SLC9A9: variants seen among roughly 807,000 people sequenced by gnomAD.
SLC9A9 encodes the protein solute carrier family 9 member A9.
SLC9A9 carries 62 observed loss-of-function variants against 77.8 expected under a neutral mutation model. That is an observed-to-expected ratio of 0.80 (90% confidence interval 0.65 to 0.98). The LOEUF is 0.98. SLC9A9 is among the 50% of genes least tolerant of loss of function. The pLI, the probability that SLC9A9 is intolerant of heterozygous loss-of-function variation, is 0.00. For synonymous variants in SLC9A9, 320 were observed against 283.5 expected (o/e 1.13, Z -1.29); for missense variants, 775 against 774.9 (o/e 1.00, Z 0.00).
intron 11 of SLC9A9, among the ~76,000 whole-genome samples, chr3:143,482,546 C>A (rs1463217005): frequency 6.6e-6 from 1 of 152,208 alleles, no homozygotes; most frequent in African/African-American, 2.4e-5. Flanking sequence ...CTTTCCTAAA[C>A]TCCCTCCTTG....
At chr3:143,455,301 C>A (rs2035071496) in intron 12 of SLC9A9, among the ~76,000 whole-genome samples, 1 of 152,148 alleles carries the variant, frequency 6.6e-6, no homozygotes, top group African/African-American at 2.4e-5. Context: ...GTCAATATCA[C>A]ATTTTTTGGT....
intron 6 of SLC9A9, among the ~76,000 whole-genome samples, chr3:143,640,667 C>T (rs978592713): frequency 3.9e-5 from 6 of 152,196 alleles, no homozygotes; most frequent in African/African-American, 1.4e-4. Context: ...TCCAGACCAG[C>T]CTAAGCAACA....
chr3:143,831,564 G>A (rs1323447291), intron 2 of SLC9A9, among the ~76,000 whole-genome samples: 1 of 152,120 alleles, frequency 6.6e-6, no homozygotes, highest in African/African-American at 2.4e-5. Flanking sequence ...GTAGCCAAAA[G>A]CCAGTCATCC....
In SLC9A9 at chr3:143,379,037, A is replaced by AAT. The variant is rs201767123; in HGVS notation, c.1524+3021_1524+3022dup. 8.2e-3 allele frequency among the ~76,000 whole-genome samples: 1,240 copies of AAT among 150,488 alleles called. 8 individuals carry two copies. The highest frequency in any genetic ancestry group is 0.023 in the African/African-American group (959 of 41,208). On this transcript the variant is annotated intron_variant, in intron 13 of 15. Coordinates refer to ENST00000316549, the MANE Select transcript of SLC9A9 (RefSeq NM_173653.4). The stretch of plus-strand genomic sequence containing the variant: ...AAACATATTAATATATATAATTTTA[A>AAT]ATATATATATATAGTTTATTCTTGA...
intron 8 of SLC9A9, among the ~76,000 whole-genome samples, chr3:143,569,147 CA>C: frequency 6.6e-6 from 1 of 151,716 alleles, no homozygotes; most frequent in South Asian, 2.1e-4. Flanking sequence ...ATTATAATTC[CA>C]AAATTATTTT....
chr3:143,632,990 G>A lies in SLC9A9; in HGVS notation c.755+19265C>T, dbSNP rs190647377. ...TTCAGTCAATTGTCCTGGCATCAGA[G>A]ACACATGCATTCCTAGAGTTTTACT... On this transcript the variant is annotated intron_variant, in intron 6 of 15. Coordinates refer to ENST00000316549, the MANE Select transcript of SLC9A9 (RefSeq NM_173653.4). 9.9e-4 allele frequency among the ~76,000 whole-genome samples: 151 copies of A among 152,322 alleles called. 1 individual carries two copies. The highest frequency in any genetic ancestry group is 3.4e-3 in the Middle Eastern group (1 of 294).
At chr3:143,282,216 T>C (rs1578259650) in intron 14 of SLC9A9, among the ~76,000 whole-genome samples, 3 of 152,274 alleles carry the variant, frequency 2.0e-5, no homozygotes, top group Admixed American at 1.3e-4. Flanking sequence ...CTTACCTTTA[T>C]TCATGGTGGG....
intron 14 of SLC9A9, among the ~76,000 whole-genome samples, chr3:143,282,082 C>G (rs1938237334): frequency 6.6e-6 from 1 of 152,188 alleles, no homozygotes; most frequent in African/African-American, 2.4e-5. Context: ...GCTCTACTGT[C>G]ATTGCCTGTG....
chr3:143,357,722 T>C (rs966280285), intron 14 of SLC9A9, among the ~76,000 whole-genome samples: 9 of 152,268 alleles, frequency 5.9e-5, no homozygotes, highest in Admixed American at 2.6e-4. Context: ...GATGTGCCTT[T>C]TTCCTCTCTT....
intron 6 of SLC9A9, among the ~76,000 whole-genome samples, chr3:143,624,040 A>G (rs1163967967): frequency 6.6e-6 from 1 of 152,236 alleles, no homozygotes; most frequent in Non-Finnish European, 1.5e-5. Flanking sequence ...TCCTGGACAC[A>G]TACACCCTCC....
intron 6 of SLC9A9, among the ~76,000 whole-genome samples, chr3:143,610,709 T>C (rs929696930): frequency 6.6e-6 from 1 of 152,136 alleles, no homozygotes; most frequent in Admixed American, 6.6e-5. Context: ...CAGACCCCTT[T>C]CCACACAGGG....
intron 12 of SLC9A9, among the ~76,000 whole-genome samples, chr3:143,413,409 T>C (rs111324010): frequency 6.6e-5 from 10 of 152,178 alleles, no homozygotes; most frequent in African/African-American, 2.2e-4. Context: ...CAAAGGTGGC[T>C]CATTATACTA....
chr3:143,464,549 T>G (rs1364693195), intron 12 of SLC9A9, among the ~76,000 whole-genome samples: 1 of 152,220 alleles, frequency 6.6e-6, no homozygotes, highest in Non-Finnish European at 1.5e-5. Flanking sequence ...TGCTAAGGAA[T>G]CTACACTGCA....
chr3:143,817,273 C>T (rs11720881), intron 2 of SLC9A9, among the ~76,000 whole-genome samples: 46,792 of 149,120 alleles, frequency 0.31, 7,537 homozygotes, highest in African/African-American at 0.45. Flanking sequence ...CTCAGCCTCC[C>T]GAGTAGCTGG....
At chr3:143,565,709 G>GGT (rs879379288) in intron 8 of SLC9A9, among the ~76,000 whole-genome samples, 176 of 147,950 alleles carry the variant, frequency 1.2e-3, no homozygotes, top group African/African-American at 4.2e-3. Flanking sequence ...GAGCCTCAGG[G>GGT]TTTTGTTTTT....
intron 5 of SLC9A9, among the ~76,000 whole-genome samples, chr3:143,681,958 C>G (rs141400397): frequency 6.6e-6 from 1 of 152,138 alleles, no homozygotes; most frequent in Non-Finnish European, 1.5e-5. Flanking sequence ...TTCCTACCAC[C>G]AACGTCCACA....
intron 2 of SLC9A9, among the ~76,000 whole-genome samples, chr3:143,808,068 A>G (rs1471496418): frequency 1.3e-5 from 2 of 152,232 alleles, no homozygotes; most frequent in African/African-American, 4.8e-5. Flanking sequence ...TGAGCAGTCA[A>G]CAAGTTAGGT....
At chr3:143,360,855 T>G (rs2108482088) in intron 14 of SLC9A9, among the ~76,000 whole-genome samples, 1 of 152,330 alleles carries the variant, frequency 6.6e-6, no homozygotes, top group East Asian at 1.9e-4. Context: ...AACCTTAACT[T>G]AGGTGTCATT....
At chr3:143,722,269 C>T (rs1053582782) in intron 4 of SLC9A9, among the ~76,000 whole-genome samples, 1 of 151,924 alleles carries the variant, frequency 6.6e-6, no homozygotes, top group African/African-American at 2.4e-5. Context: ...GTCAGGAGAT[C>T]GAGACCATCC....
Sources: allele counts gnomAD v4.1 joint callset (sites outside exome capture counted in the v4.1 genomes callset), GRCh38; gene constraint gnomAD v4.1.1; transcripts MANE v1.5; gene names NCBI Gene and HGNC (gene_info 2026-07-23, HGNC 2026-07-21).